COQ5: variants seen among roughly 807,000 people sequenced by gnomAD.
COQ5 encodes 2-methoxy-6-polyprenyl-1,4-benzoquinol methylase, mitochondrial.
A neutral mutation model predicts 40.5 loss-of-function variants in COQ5; 27 were observed. The observed-to-expected ratio is 0.67, with a 90% CI of 0.49 to 0.92. The LOEUF is 0.92. Ranked by LOEUF, COQ5 falls within the 40% of genes least tolerant of loss-of-function variation. COQ5 has a pLI of 0.00. For synonymous variants in COQ5, 141 were observed against 150.0 expected (o/e 0.94, Z 0.44); for missense variants, 409 against 406.4 (o/e 1.01, Z -0.06).
At chr12:120,524,649 G>C (rs1380565030) in intron 1 of COQ5, among the ~76,000 whole-genome samples, 1 of 152,106 alleles carries the variant, frequency 6.6e-6, no homozygotes, top group African/African-American at 2.4e-5. Flanking sequence ...CTGCCAGAAG[G>C]CTGAATTGGA....
At chr12:120,526,296 T>G (rs1869941190) in intron 1 of COQ5, among the ~76,000 whole-genome samples, 1 of 152,200 alleles carries the variant, frequency 6.6e-6, no homozygotes, top group African/African-American at 2.4e-5. Context: ...AAGAGGGAAT[T>G]GAGCAACAAA....
intron 4 of COQ5, among the ~76,000 whole-genome samples, chr12:120,507,064 C>A (rs1336544452): frequency 6.6e-6 from 1 of 152,096 alleles, no homozygotes; most frequent in Admixed American, 6.6e-5. Flanking sequence ...AAACTCCTGA[C>A]CTCAAGTGAT....
At chr12:120,523,000 G>T (rs2137091891) in intron 1 of COQ5, 1 of 545,010 alleles carries the variant, frequency 1.8e-6, no homozygotes, top group Non-Finnish European at 3.3e-6. Flanking sequence ...ATGTTCCTCA[G>T]GAACTTGGGG....
intron 1 of COQ5, chr12:120,523,034 T>TTA (rs558835464): frequency 2.4e-6 from 1 of 421,128 alleles, no homozygotes; most frequent in African/African-American, 2.1e-5. Flanking sequence ...GAGATTCTTA[T>TTA]AAAAAAAAAA....
chr12:120,521,842 A>G (rs1419087717), intron 2 of COQ5, among the ~76,000 whole-genome samples: 2 of 151,634 alleles, frequency 1.3e-5, no homozygotes. Flanking sequence ...ACTAAAATAC[A>G]AAATATTAGC....
intron 4 of COQ5, among the ~76,000 whole-genome samples, chr12:120,506,282 AC>A (rs1233497447): frequency 6.6e-6 from 1 of 152,152 alleles, no homozygotes; most frequent in Admixed American, 6.6e-5. Context: ...GTTCCACATC[AC>A]CAAACTGAAA....
chr12:120,509,722 C>T (rs755949335), intron 4 of COQ5: 12 of 355,006 alleles, frequency 3.4e-5, no homozygotes, highest in African/African-American at 1.9e-4. Flanking sequence ...TCCACTCAAG[C>T]GCCAAGCCCT....
chr12:120,516,966 C>G (rs75451926), intron 2 of COQ5, among the ~76,000 whole-genome samples, 178 bp from the exon 3 acceptor site: 1 of 152,246 alleles, frequency 6.6e-6, no homozygotes, highest in Non-Finnish European at 1.5e-5. Context: ...CAGGGACTCA[C>G]TCCATCACCC....
At chr12:120,512,078 TGG>T (rs985573633) in intron 3 of COQ5, among the ~76,000 whole-genome samples, 2 of 151,658 alleles carry the variant, frequency 1.3e-5, no homozygotes, top group African/African-American at 4.8e-5. Flanking sequence ...GACGTGGTGG[TGG>T]GTGCCTGTAG....
rs1381240837 is a variant in COQ5 at position 120,503,646 on chromosome 12, CTGT to C, written c.*135_*137del. The C allele has an allele frequency of 1.4e-6, 1 of 728,326 alleles. No individual in the cohort carries two copies. Among genetic ancestry groups the C allele is most frequent in the Middle Eastern group, 2.3e-4 (1 of 4,396 alleles). 45.1% of individuals were successfully genotyped at this position (728,326 alleles called of 1,614,324 possible). ...AAGAATTTGTTCTTCCACTTTGAGACTGTTCGATTCAAACATGAGTCCAAGGCA... is the reference window on the plus strand; with the variant it reads ...AAGAATTTGTTCTTCCACTTTGAGACTCGATTCAAACATGAGTCCAAGGCA... On this transcript the variant is annotated 3_prime_UTR_variant, in exon 7 of 7. Coordinates refer to ENST00000288532, the MANE Select transcript of COQ5 (RefSeq NM_032314.4).
chr12:120,515,234 G>A (rs1051632457), intron 3 of COQ5, among the ~76,000 whole-genome samples: 1 of 152,092 alleles, frequency 6.6e-6, no homozygotes, highest in Non-Finnish European at 1.5e-5. Context: ...TGTTACTACA[G>A]GTGTGTACCA....
At chr12:120,526,211 G>C (rs10849757) in intron 1 of COQ5, among the ~76,000 whole-genome samples, 1 of 152,112 alleles carries the variant, frequency 6.6e-6, no homozygotes, top group Non-Finnish European at 1.5e-5. Flanking sequence ...TCAGTTCACA[G>C]ACAGTAAAGC....
At chr12:120,509,326 G>C (rs1869023288) in intron 4 of COQ5, among the ~76,000 whole-genome samples, 2 of 152,100 alleles carry the variant, frequency 1.3e-5, no homozygotes, top group African/African-American at 4.8e-5. Flanking sequence ...AGATCAACCT[G>C]GGCAACATGG....
chr12:120,507,255 GAAATAT>G (rs1032381767), intron 4 of COQ5, among the ~76,000 whole-genome samples: 25 of 151,142 alleles, frequency 1.7e-4, no homozygotes, highest in African/African-American at 5.6e-4. Flanking sequence ...ACTAAATTAT[GAAATAT>G]AAATATAAAT....
Position 120,503,586 on chromosome 12 carries a change from T to G in COQ5, c.*198A>C, listed in dbSNP as rs747602075. 10 of 680,904 alleles carry G rather than the reference T, an allele frequency of 1.5e-5. No individual in the cohort carries two copies. The South Asian group carries it at 1.5e-4, about 10-fold the overall frequency. The allele number at this position is 680,904 out of a possible 1,614,324, so 42.2% of individuals were successfully genotyped here. On this transcript the variant is annotated 3_prime_UTR_variant, in exon 7 of 7. Transcript: ENST00000288532. ...GACCAAATGCCTCTGGGAGATGGAC[T>G]GAAGCAGCTCCAAAGAAAGCTGTAA...
chr12:120,516,456 T>A, intron 3 of COQ5, 111 bp downstream of exon 3: 1 of 908,372 alleles, frequency 1.1e-6, no homozygotes, highest in Non-Finnish European at 1.8e-6. Context: ...AACCTGCCCA[T>A]CTATAAGTTT....
chr12:120,509,827 T>A (rs541553161), intron 4 of COQ5, 190 bp downstream of exon 4: 1 of 612,684 alleles, frequency 1.6e-6, no homozygotes, highest in South Asian at 1.8e-5. Flanking sequence ...GTAAGGTTCC[T>A]GTAATCCCAG....
chr12:120,522,856 C>T (rs572401954), intron 1 of COQ5: 3 of 708,548 alleles, frequency 4.2e-6, no homozygotes, highest in East Asian at 4.9e-5. Context: ...CGGCTGACAC[C>T]CTTTGGGATC....
At chr12:120,526,554 G>T in intron 1 of COQ5, 1 of 439,090 alleles carries the variant, frequency 2.3e-6, no homozygotes, top group Non-Finnish European at 4.5e-6. Context: ...GTTCTTGGAG[G>T]TATTTCATAA....
Sources: gnomAD v4.1 joint callset for allele counts (sites outside exome capture counted in the v4.1 genomes callset) on GRCh38, gnomAD v4.1.1 for gene constraint, MANE v1.5 for transcripts, NCBI Gene and HGNC (gene_info 2026-07-23, HGNC 2026-07-21) for gene names.